The following CIROZ variants were observed in gnomAD, a reference collection of about 807,000 sequenced individuals.
CIROZ encodes ciliated left-right organizer protein containing ZP-N domains.
At chr1:10,962,274 C>T in the CIROZ span, among the ~76,000 whole-genome samples, 44 of 152,162 alleles carry the variant, frequency 2.9e-4, no homozygotes, top group Non-Finnish European at 3.7e-4. Context: ...GAGGAAACCC[C>T]GTCTCTACCA....
the CIROZ span, among the ~76,000 whole-genome samples, chr1:10,955,571 A>T: frequency 6.6e-6 from 1 of 152,116 alleles, no homozygotes; most frequent in Non-Finnish European, 1.5e-5. Context: ...GGCCAGGCAC[A>T]GTGGTCCATG....
the CIROZ span, among the ~76,000 whole-genome samples, chr1:10,971,209 T>G: frequency 7.0e-6 from 1 of 142,646 alleles, no homozygotes; most frequent in Non-Finnish European, 1.5e-5. Context: ...ATTCTGCAGC[T>G]TTGCTGACCA....
chr1:10,951,566 A>G, the CIROZ span, among the ~76,000 whole-genome samples: 1 of 149,556 alleles, frequency 6.7e-6, no homozygotes, highest in Non-Finnish European at 1.5e-5. Context: ...AAAAAAAAAA[A>G]GTTTAAAAAC....
the CIROZ span, chr1:10,955,076 C>T: frequency 2.5e-6 from 4 of 1,614,076 alleles, no homozygotes; most frequent in Admixed American, 1.7e-5. Context: ...GACTGGTGGA[C>T]TCGGAGGAAT....
chr1:10,947,781 C>A, the CIROZ span: 1 of 1,598,506 alleles, frequency 6.3e-7, no homozygotes, highest in Non-Finnish European at 8.6e-7. Flanking sequence ...TGAGGCCCCC[C>A]GGCCAGCCTG....
At chr1:10,948,642 C>T in the CIROZ span, 14 of 1,613,462 alleles carry the variant, frequency 8.7e-6, no homozygotes, top group South Asian at 5.5e-5. Flanking sequence ...CAAGACTGGA[C>T]GTGGCCGCCA....
At chr1:10,947,838 G>T in the CIROZ span, 917 of 1,602,064 alleles carry the variant, frequency 5.7e-4, 1 homozygote, top group Non-Finnish European at 7.1e-4. Flanking sequence ...CACTCCTGTG[G>T]GAGCCCACAG....
the CIROZ span, chr1:10,966,620 A>AT: frequency 2.9e-6 from 3 of 1,017,930 alleles, no homozygotes; most frequent in Non-Finnish European, 4.0e-6. Context: ...AATAGCAGTA[A>AT]TTTTTAAAAG....
chr1:10,956,932 G>T, the CIROZ span: 1 of 1,133,890 alleles, frequency 8.8e-7, no homozygotes, highest in Non-Finnish European at 1.3e-6. Flanking sequence ...GGATGAGACA[G>T]AGGGGAATAA....
chr1:10,980,148 G>A, the CIROZ span, among the ~76,000 whole-genome samples: 6 of 152,248 alleles, frequency 3.9e-5, no homozygotes, highest in African/African-American at 9.6e-5. Flanking sequence ...TGAGCCATTC[G>A]ATTCCTGGGT....
At chr1:10,976,257 C>CGT in the CIROZ span, 1 of 1,535,304 alleles carries the variant, frequency 6.5e-7, no homozygotes, top group East Asian at 2.4e-5. Flanking sequence ...CCAGACGGCC[C>CGT]TGCGGGAGAG....
the CIROZ span, chr1:10,954,093 A>G: frequency 6.8e-6 from 11 of 1,613,460 alleles, no homozygotes; most frequent in African/African-American, 4.0e-5. Context: ...GCTCAGGTCT[A>G]CCCTATAGAA....
At chr1:10,953,072 C>T in the CIROZ span, among the ~76,000 whole-genome samples, 1 of 152,204 alleles carries the variant, frequency 6.6e-6, no homozygotes, top group Non-Finnish European at 1.5e-5. Flanking sequence ...ACTGTCAGAA[C>T]TCACCCCCAA....
At chr1:10,951,761 T>C in the CIROZ span, among the ~76,000 whole-genome samples, 2 of 145,214 alleles carry the variant, frequency 1.4e-5, no homozygotes, top group Admixed American at 1.4e-4. Flanking sequence ...TATATATATA[T>C]ATATGCACAC....
At chr1:10,973,758 T>C in the CIROZ span, among the ~76,000 whole-genome samples, 3 of 152,072 alleles carry the variant, frequency 2.0e-5, no homozygotes, top group Non-Finnish European at 4.4e-5. Context: ...TCCTGCTCTG[T>C]GGAGCAGGCA....
chr1:10,955,199 G>A, the CIROZ span: 1 of 1,583,652 alleles, frequency 6.3e-7, no homozygotes, highest in East Asian at 2.3e-5. Flanking sequence ...GGAATGGGAA[G>A]GACACAGGAC....
the CIROZ span, among the ~76,000 whole-genome samples, chr1:10,951,081 G>A: frequency 2.0e-5 from 3 of 152,128 alleles, no homozygotes; most frequent in Non-Finnish European, 1.5e-5. Context: ...CCACTGTCCC[G>A]CCGCTGACAT....
At chr1:10,981,174 T>G in the CIROZ span, among the ~76,000 whole-genome samples, 25 of 152,250 alleles carry the variant, frequency 1.6e-4, no homozygotes, top group Non-Finnish European at 3.1e-4. Context: ...TTTGGCCAAG[T>G]GCAGTGAGTC....
chr1:10,953,955 G>A, the CIROZ span: 11 of 1,543,104 alleles, frequency 7.1e-6, no homozygotes, highest in Admixed American at 4.1e-5. Context: ...CAGGGCCAAG[G>A]AAAGAGGGTT....
Sources: allele counts gnomAD v4.1 joint callset (sites outside exome capture counted in the v4.1 genomes callset), GRCh38; gene constraint gnomAD v4.1.1; transcripts MANE v1.5; gene names NCBI Gene and HGNC (gene_info 2026-07-23, HGNC 2026-07-21).